Variants in REEP3 observed in about 807,000 individuals in gnomAD.
REEP3 encodes receptor expression-enhancing protein 3.
REEP3 carries 20 observed loss-of-function variants against 41.3 expected under a neutral mutation model. That is an observed-to-expected ratio of 0.48 (90% CI 0.34 to 0.70). The LOEUF is 0.70. Ranked by LOEUF, REEP3 falls within the 30% of genes least tolerant of loss-of-function variation. REEP3 has a pLI of 0.01. For missense variants in REEP3, 271 were observed against 308.8 expected (o/e 0.88, Z 0.92); for synonymous variants, 104 against 101.8 (o/e 1.02, Z -0.13).
chr10:63,541,192 C>T (rs1390121329), intron 1 of REEP3, among the ~76,000 whole-genome samples: 1 of 152,104 alleles, frequency 6.6e-6, no homozygotes, highest in East Asian at 1.9e-4. Flanking sequence ...ATTATCAATA[C>T]CTTTATTTTA....
chr10:63,561,116 A>G (rs927084505), intron 1 of REEP3, among the ~76,000 whole-genome samples: 1 of 152,204 alleles, frequency 6.6e-6, no homozygotes, highest in Non-Finnish European at 1.5e-5. Context: ...TCTCTTTAAT[A>G]CAGAAGTTAA....
intron 5 of REEP3, among the ~76,000 whole-genome samples, chr10:63,601,836 G>A (rs994275006): frequency 8.5e-5 from 13 of 152,068 alleles, no homozygotes; most frequent in Admixed American, 5.2e-4. Context: ...CAGGAGAATC[G>A]CTTGAACCTG....
chr10:63,575,239 C>G (rs1955888177), intron 2 of REEP3, among the ~76,000 whole-genome samples: 3 of 152,154 alleles, frequency 2.0e-5, no homozygotes, highest in African/African-American at 7.2e-5. Context: ...TCTTTAACTT[C>G]TGGTGTTGCT....
chr10:63,596,804 G>T (rs1956119184), intron 3 of REEP3, among the ~76,000 whole-genome samples: 1 of 152,106 alleles, frequency 6.6e-6, no homozygotes, highest in Admixed American at 6.5e-5. Context: ...TAGAGACAGG[G>T]TCTTGCTCCA....
intron 1 of REEP3, among the ~76,000 whole-genome samples, chr10:63,523,124 A>G (rs1955308430): frequency 6.6e-6 from 1 of 152,194 alleles, no homozygotes; most frequent in South Asian, 2.1e-4. Context: ...GCCAATGAAT[A>G]TGAATGTCTG....
At chr10:63,572,655 T>C (rs76368973) in intron 2 of REEP3, among the ~76,000 whole-genome samples, 3 of 152,358 alleles carry the variant, frequency 2.0e-5, no homozygotes, top group Non-Finnish European at 2.9e-5. Flanking sequence ...AAATTAACCT[T>C]TTTATATTGC....
At chr10:63,589,906 T>A (rs945756644) in intron 2 of REEP3, among the ~76,000 whole-genome samples, 1 of 148,584 alleles carries the variant, frequency 6.7e-6, no homozygotes, top group Non-Finnish European at 1.5e-5. Context: ...GCGATTCTCC[T>A]GCCTCAGCCT....
rs1956362343 is a variant in REEP3 at position 63,622,611 on chromosome 10, C to A, written c.*1742C>A. On this transcript the variant is annotated 3_prime_UTR_variant, in exon 8 of 8. Coordinates refer to ENST00000373758, the MANE Select transcript of REEP3 (RefSeq NM_001001330.3). ...AATATAACTGTTACACTGTCCTTGT[C>A]TTTCCTACTCAAAGACAGTATCATC... 6.6e-6 allele frequency: 1 copy of A among 151,314 alleles called. No individual in the cohort carries two copies. Among genetic ancestry groups the A allele is most frequent in the Non-Finnish European group, 1.5e-5 (1 of 67,950 alleles). The allele number at this position is 151,314 out of a possible 1,614,324, so 9.4% of individuals were successfully genotyped here.
intron 1 of REEP3, among the ~76,000 whole-genome samples, chr10:63,544,620 AAAGGGTGAACAGAGCACTTTAGAT>A (rs1370254530): frequency 3.0e-4 from 45 of 152,198 alleles, no homozygotes; most frequent in Admixed American, 2.9e-3. Flanking sequence ...GTTGTTGGGG[AAAGGGTGAACAGAGCACTTTAGAT>A]AAGGAAGGTA....
At chr10:63,595,733 T>A (rs1589881666) in intron 3 of REEP3, among the ~76,000 whole-genome samples, 1 of 152,232 alleles carries the variant, frequency 6.6e-6, no homozygotes, top group East Asian at 1.9e-4. Context: ...CATGCCACCA[T>A]GGCCTGGCTA....
chr10:63,571,497 T>G (rs541959038), intron 2 of REEP3, among the ~76,000 whole-genome samples: 60 of 152,310 alleles, frequency 3.9e-4, no homozygotes, highest in Non-Finnish European at 8.2e-4. Flanking sequence ...GACCTCTTCA[T>G]GCTGCCATCT....
At chr10:63,600,485 G>A (rs796680028) in intron 5 of REEP3, among the ~76,000 whole-genome samples, 41 of 152,184 alleles carry the variant, frequency 2.7e-4, no homozygotes, top group African/African-American at 8.9e-4. Context: ...TCTTTTATTA[G>A]GATAGGTTTA....
At position 63,610,403 on chromosome 10, in the gene REEP3, G is replaced by T. The variant is rs543737071; in HGVS notation, c.565+69G>T. On this transcript the variant is annotated intron_variant, in intron 6 of 7. Coordinates refer to ENST00000373758, the MANE Select transcript of REEP3 (RefSeq NM_001001330.3). ...AGGGAGGGGAACAACATACACTGGGGCCTGTCGGGGGGTGGGGCACAAGGA... is the reference window on the plus strand; with the variant it reads ...AGGGAGGGGAACAACATACACTGGGTCCTGTCGGGGGGTGGGGCACAAGGA... The T allele has an allele frequency of 1.7e-5, 25 of 1,449,884 alleles. No individual in the cohort carries two copies. In the South Asian group the frequency reaches 3.1e-4, roughly 18 times the overall value. The allele number at this position is 1,449,884 out of a possible 1,614,324, so 89.8% of individuals were successfully genotyped here. A position where few individuals can be genotyped will look rare whatever the true frequency, so the allele number is the denominator to read the frequency against.
chr10:63,611,703 T>G (rs958334166), intron 6 of REEP3, among the ~76,000 whole-genome samples: 3 of 151,918 alleles, frequency 2.0e-5, no homozygotes, highest in African/African-American at 7.2e-5. Flanking sequence ...AAAATCATCT[T>G]TATAATTAAA....
chr10:63,525,504 C>T (rs1182925590), intron 1 of REEP3, among the ~76,000 whole-genome samples: 3 of 151,942 alleles, frequency 2.0e-5, no homozygotes, highest in East Asian at 1.9e-4. Context: ...CTGCAATTTC[C>T]GCCTCCCGGG....
At chr10:63,543,417 TG>T (rs1346246210) in intron 1 of REEP3, among the ~76,000 whole-genome samples, 2 of 151,558 alleles carry the variant, frequency 1.3e-5, no homozygotes, top group African/African-American at 4.8e-5. Context: ...TGACTCAAAC[TG>T]CCAAGTAGCT....
At chr10:63,559,575 T>G (rs538514844) in intron 1 of REEP3, among the ~76,000 whole-genome samples, 1 of 152,336 alleles carries the variant, frequency 6.6e-6, no homozygotes, top group South Asian at 2.1e-4. Flanking sequence ...AGATTTTAAG[T>G]GTGAATTCTG....
intron 2 of REEP3, among the ~76,000 whole-genome samples, chr10:63,593,499 G>A (rs1956084770): frequency 6.6e-6 from 1 of 152,144 alleles, no homozygotes; most frequent in Non-Finnish European, 1.5e-5. Context: ...ACTTTGTAAA[G>A]GTTGTTACAG....
At chr10:63,521,646 C>T in intron 1 of REEP3, 69 bp downstream of exon 1, 1 of 1,216,736 alleles carries the variant, frequency 8.2e-7, no homozygotes. Context: ...GGGAAGGAGC[C>T]GAGAGGAAAG....
Sources: allele counts gnomAD v4.1 joint callset (sites outside exome capture counted in the v4.1 genomes callset), GRCh38; gene constraint gnomAD v4.1.1; transcripts MANE v1.5; gene names NCBI Gene and HGNC (gene_info 2026-07-23, HGNC 2026-07-21).